IQCM: variants seen among roughly 807,000 people sequenced by gnomAD.
IQCM encodes the protein IQ motif containing M.
In IQCM, 45 loss-of-function variants were observed where a neutral mutation model predicts 57.6. The observed-to-expected ratio is 0.78, with a 90% CI of 0.62 to 1.00. The LOEUF (loss-of-function observed/expected upper bound fraction) is 1.00. IQCM is among the 50% of genes least tolerant of loss of function. The pLI is 0.00. For missense variants in IQCM, 468 were observed against 511.6 expected, an observed-to-expected ratio of 0.91 and a Z score of 0.82; for synonymous variants, 148 against 158.9, an observed-to-expected ratio of 0.93 and a Z score of 0.51.
At chr4:149,629,051 T>C (rs930091610) in intron 7 of IQCM, among the ~76,000 whole-genome samples, 2 of 152,148 alleles carry the variant, frequency 1.3e-5, no homozygotes, top group African/African-American at 4.8e-5. Context: ...CATGAATCAA[T>C]AAAAGAATTT....
At chr4:149,377,226 A>G (rs892194593) in intron 13 of IQCM, among the ~76,000 whole-genome samples, 1 of 152,192 alleles carries the variant, frequency 6.6e-6, no homozygotes, top group Admixed American at 6.6e-5. Context: ...AAAAAAAATT[A>G]AATTTTATTT....
At chr4:149,606,747 G>C (rs1486888206) in intron 8 of IQCM, among the ~76,000 whole-genome samples, 2 of 152,070 alleles carry the variant, frequency 1.3e-5, no homozygotes, top group African/African-American at 4.8e-5. Flanking sequence ...AGAAATTCTA[G>C]AGCTGAAAAA....
Position 149,513,217 on chromosome 4 carries a change from G to A in IQCM, c.1228+35238C>T, listed in dbSNP as rs375982225. Among the ~76,000 whole-genome samples the A allele has an allele frequency of 1.7e-4, 26 of 152,270 alleles. No homozygotes were observed. In the East Asian group the frequency reaches 4.6e-3, roughly 27 times the overall value. ...TTGGAAAATATACTCAGTGAGGAGAGAGAGCTGGATATTTCAGAGTATAAT... is the reference window on the plus strand; with the variant it reads ...TTGGAAAATATACTCAGTGAGGAGAAAGAGCTGGATATTTCAGAGTATAAT... On this transcript the variant is annotated intron_variant, in intron 12 of 13. Transcript: ENST00000636793.
intron 7 of IQCM, among the ~76,000 whole-genome samples, chr4:149,681,670 TA>T (rs1762187866): frequency 6.6e-6 from 1 of 151,090 alleles, no homozygotes; most frequent in South Asian, 2.1e-4. Flanking sequence ...AGGAACAAGT[TA>T]AAAAGCGGGA....
chr4:149,742,816 T>C (rs1041078473), intron 2 of IQCM, 77 bp from the exon 3 acceptor site: 1 of 611,548 alleles, frequency 1.6e-6, no homozygotes, highest in Non-Finnish European at 2.4e-6. Context: ...CACTCATAGG[T>C]AAATAGGGTG....
In IQCM at chr4:149,422,875, C is replaced by T. The variant is rs907704408; in HGVS notation, c.1390+10521G>A. Among the ~76,000 whole-genome samples, 5 of 152,052 alleles carry T rather than the reference C, an allele frequency of 3.3e-5. No individual in the cohort carries two copies. The South Asian group carries it at 1.0e-3, about 32-fold the overall frequency. On this transcript the variant is annotated intron_variant, in intron 13 of 13. Transcript: ENST00000636793. ...TAGTTTTATAAAATCGTGGAAGAAA[C>T]TATGACAAAATAATAAAAAGTGGTT...
chr4:149,630,790 G>A (rs896558900), intron 7 of IQCM, among the ~76,000 whole-genome samples: 1 of 152,070 alleles, frequency 6.6e-6, no homozygotes, highest in Non-Finnish European at 1.5e-5. Flanking sequence ...AAAATTATCT[G>A]AAATGTGACT....
intron 13 of IQCM, among the ~76,000 whole-genome samples, chr4:149,398,219 G>A (rs1190908526): frequency 6.6e-6 from 1 of 151,926 alleles, no homozygotes; most frequent in Non-Finnish European, 1.5e-5. Context: ...TGGGCTCTCA[G>A]TTCTGCTCCA....
chr4:149,570,323 T>C (rs776586555), intron 9 of IQCM, among the ~76,000 whole-genome samples: 39 of 152,084 alleles, frequency 2.6e-4, no homozygotes, highest in Admixed American at 1.1e-3. Context: ...GGCAGTAAAC[T>C]AGTATGGTGG....
intron 2 of IQCM, among the ~76,000 whole-genome samples, chr4:149,758,606 T>C (rs552728343): frequency 1.4e-4 from 21 of 152,296 alleles, no homozygotes; most frequent in South Asian, 4.1e-4. Flanking sequence ...ATTTAAAATA[T>C]ACAAAGAATT....
intron 5 of IQCM, among the ~76,000 whole-genome samples, chr4:149,728,563 C>T (rs549806998): frequency 5.9e-4 from 90 of 152,256 alleles, no homozygotes; most frequent in African/African-American, 2.1e-3. Context: ...AGAAGTCCTC[C>T]TACTTGAAAA....
At chr4:149,374,168 A>G (rs2110996619) in intron 13 of IQCM, among the ~76,000 whole-genome samples, 1 of 152,288 alleles carries the variant, frequency 6.6e-6, no homozygotes, top group South Asian at 2.1e-4. Flanking sequence ...AGCACCCTTG[A>G]CAGGTCATCT....
chr4:149,424,231 T>C (rs1734314155), intron 13 of IQCM, among the ~76,000 whole-genome samples: 1 of 151,868 alleles, frequency 6.6e-6, no homozygotes, highest in African/African-American at 2.4e-5. Context: ...TTTTGAAATA[T>C]GACATAATAA....
intron 3 of IQCM, 67 bp from the exon 4 acceptor site, chr4:149,735,525 T>C (rs1766855353): frequency 1.5e-6 from 1 of 676,338 alleles, no homozygotes; most frequent in South Asian, 7.5e-5. Flanking sequence ...AAGTTGACAT[T>C]ATAAAAGGAA....
At chr4:149,433,319 G>T in intron 13 of IQCM, 77 bp downstream of exon 13, 2 of 619,634 alleles carry the variant, frequency 3.2e-6, no homozygotes, top group Non-Finnish European at 2.3e-6. Context: ...TCATCTAAGT[G>T]ATGAATACAG....
chr4:149,586,842 T>A (rs974022632), intron 9 of IQCM, among the ~76,000 whole-genome samples: 2 of 151,770 alleles, frequency 1.3e-5, no homozygotes, highest in Admixed American at 1.3e-4. Flanking sequence ...AGTAACTGCT[T>A]TAAAGCCATT....
intron 12 of IQCM, among the ~76,000 whole-genome samples, chr4:149,511,758 TG>T (rs1351088429): frequency 6.6e-6 from 1 of 152,034 alleles, no homozygotes; most frequent in Non-Finnish European, 1.5e-5. Context: ...CTCTTTCCTT[TG>T]TATTTCCAGA....
chr4:149,767,992 T>A (rs1181437105), intron 2 of IQCM, among the ~76,000 whole-genome samples: 1 of 152,130 alleles, frequency 6.6e-6, no homozygotes, highest in Non-Finnish European at 1.5e-5. Flanking sequence ...GGCCTAATTT[T>A]AGTTATATGG....
chr4:149,799,418 C>A (rs1331212323), intron 2 of IQCM, among the ~76,000 whole-genome samples: 11 of 151,226 alleles, frequency 7.3e-5, no homozygotes, highest in Non-Finnish European at 1.5e-5. Flanking sequence ...TCTAATGATG[C>A]ATCTAAAAGA....
Sources: allele counts gnomAD v4.1 joint callset (sites outside exome capture counted in the v4.1 genomes callset), GRCh38; gene constraint gnomAD v4.1.1; transcripts MANE v1.5; gene names NCBI Gene and HGNC (gene_info 2026-07-23, HGNC 2026-07-21).